Variants in DLGAP4 observed in about 807,000 individuals in gnomAD.
DLGAP4 encodes DLG associated protein 4, also known as disks large-associated protein 4.
A neutral mutation model predicts 86.9 loss-of-function variants in DLGAP4; 18 were observed. That is an observed-to-expected ratio of 0.21 (90% CI 0.14 to 0.31). The LOEUF (loss-of-function observed/expected upper bound fraction) is 0.31, where lower values mean the gene tolerates loss of function less well. DLGAP4 is among the 10% of genes least tolerant of loss of function. DLGAP4 has a pLI of 1.00. For synonymous variants in DLGAP4, 548 were observed against 574.3 expected (o/e 0.95, Z 0.65); for missense variants, 1,085 against 1,362.6 (o/e 0.80, Z 3.21).
rs535340847 is a variant in DLGAP4 at position 36,424,996 on chromosome 20, C to T, written c.-72-6650C>T. Among the ~76,000 whole-genome samples the T allele has an allele frequency of 3.2e-3, 492 of 152,164 alleles. 2 individuals carry two copies. The highest frequency in any genetic ancestry group is 8.1e-3 in the South Asian group (39 of 4,810). On this transcript the variant is annotated intron_variant, in intron 2 of 12. Transcript: ENST00000339266. Reference sequence around the variant, plus strand: ...AGTAATCCAGGCGTGAGCCACCATGCCCAGCCTTACACTCCTTTTCTTTAT... The same window carrying T: ...AGTAATCCAGGCGTGAGCCACCATGTCCAGCCTTACACTCCTTTTCTTTAT...
rs895342360 is a variant in DLGAP4, at chr20:36,461,375, G to T, written c.1648+14438G>T. ...GGCTGCGCGCGCCCCTGCCCGGCCC[G>T]GGAGTCCCTGACGACGCGCGCGCGG... On this transcript the variant is annotated intron_variant, in intron 7 of 12. Coordinates refer to ENST00000339266, the MANE Select transcript of DLGAP4 (RefSeq NM_001365621.2). 1.9e-4 allele frequency: 165 copies of T among 854,354 alleles called. 2 individuals carry two copies. The East Asian group carries it at 8.8e-3, about 46-fold the overall frequency. 52.9% of individuals were successfully genotyped at this position (854,354 alleles called of 1,614,324 possible). A position where few individuals can be genotyped will look rare whatever the true frequency, so the allele number is the denominator to read the frequency against.
intron 2 of DLGAP4, among the ~76,000 whole-genome samples, chr20:36,402,388 G>A (rs946434627): frequency 2.2e-4 from 33 of 152,192 alleles, no homozygotes; most frequent in African/African-American, 5.6e-4. Flanking sequence ...GGGCTAATGC[G>A]TGTCAAGTGT....
intron 1 of DLGAP4, among the ~76,000 whole-genome samples, chr20:36,320,709 C>G (rs1463851816): frequency 1.3e-5 from 2 of 152,150 alleles, no homozygotes; most frequent in African/African-American, 2.4e-5. Flanking sequence ...CCTTTGCCCA[C>G]CTGCCTGGGA....
At chr20:36,496,649 G>C in intron 7 of DLGAP4, 56 bp from the exon 8 acceptor site, 1 of 1,553,238 alleles carries the variant, frequency 6.4e-7, no homozygotes, top group Non-Finnish European at 8.7e-7. Context: ...GGGCTTGAGA[G>C]GGTTGGGGGC....
chr20:36,332,402 T>G (rs1224453235), intron 1 of DLGAP4, among the ~76,000 whole-genome samples: 16 of 152,146 alleles, frequency 1.1e-4, no homozygotes, highest in Non-Finnish European at 4.4e-5. Context: ...TTTTGTTTCT[T>G]TGTTTGAGAC....
At chr20:36,467,063 T>TCTCTCTCTCC (rs1569509700) in intron 7 of DLGAP4, among the ~76,000 whole-genome samples, 3 of 39,384 alleles carry the variant, frequency 7.6e-5, no homozygotes, top group African/African-American at 2.4e-4. Flanking sequence ...TCTCTCTCTC[T>TCTCTCTCTCC]CCCCCCCCCT....
chr20:36,330,558 AT>A (rs113329878), intron 1 of DLGAP4, among the ~76,000 whole-genome samples: 81,633 of 130,922 alleles, frequency 0.62, 26,602 homozygotes, highest in East Asian at 0.91. Context: ...GACTTTTGGG[AT>A]TTTTTTTTTT....
Position 36,393,672 on chromosome 20 carries a change from G to A in DLGAP4, c.-73+26397G>A, listed in dbSNP as rs865783244. On this transcript the variant is annotated intron_variant, in intron 2 of 12. Transcript: ENST00000339266. This position sits in a 1 kb window ranked among gnomAD's most constrained non-coding sequence, Gnocchi z 4.4. ...AGAACCAAAGTGAGAAACTGAGGCC[G>A]ACCCTGGCACTTAGGAGGGAAGGAA... Among the ~76,000 whole-genome samples the A allele has an allele frequency of 5.9e-5, 9 of 152,226 alleles. No homozygotes were observed. Among genetic ancestry groups the A allele is most frequent in the South Asian group, 4.2e-4 (2 of 4,810 alleles).
chr20:36,351,874 G>A (rs2030165570), intron 1 of DLGAP4, among the ~76,000 whole-genome samples: 1 of 152,178 alleles, frequency 6.6e-6, no homozygotes, highest in South Asian at 2.1e-4. Flanking sequence ...CCCACCTGGA[G>A]CTCGCTTTAG....
rs796432807 is a variant in DLGAP4 at position 36,520,734 on chromosome 20, CT to C, written c.2513-3505del. Reference sequence around the variant, plus strand: ...TGCTTTTTTTTCCCTTCTTTATCTGCTTTTTTTTTTTCCCCTTCTTTCATTG... The same window carrying C: ...TGCTTTTTTTTCCCTTCTTTATCTGCTTTTTTTTTTCCCCTTCTTTCATTG... On this transcript the variant is annotated intron_variant, in intron 10 of 12. Coordinates refer to ENST00000339266, the MANE Select transcript of DLGAP4 (RefSeq NM_001365621.2). 7.2e-3 allele frequency among the ~76,000 whole-genome samples: 1,048 copies of C among 146,528 alleles called. 9 individuals are homozygous for C. The highest frequency in any genetic ancestry group is 0.021 in the African/African-American group (827 of 40,228).
At chr20:36,497,139 G>A in intron 8 of DLGAP4, 73 bp downstream of exon 8, 1 of 1,519,268 alleles carries the variant, frequency 6.6e-7, no homozygotes, top group South Asian at 1.3e-5. Context: ...ACATCTGGTA[G>A]AGGCCCACTA....
intron 2 of DLGAP4, among the ~76,000 whole-genome samples, chr20:36,369,414 G>A (rs772526669): frequency 2.9e-4 from 44 of 152,320 alleles, no homozygotes; most frequent in Non-Finnish European, 3.4e-4. Flanking sequence ...CCAACATGGT[G>A]AAACCCTGTC....
At chr20:36,475,946 G>A (rs1195896748) in intron 7 of DLGAP4, among the ~76,000 whole-genome samples, 6 of 151,432 alleles carry the variant, frequency 4.0e-5, no homozygotes, top group East Asian at 2.0e-4. Flanking sequence ...TGCAACCTTC[G>A]CCTCCCGGGT....
intron 2 of DLGAP4, among the ~76,000 whole-genome samples, chr20:36,373,621 G>A (rs1227974761): frequency 6.6e-6 from 1 of 152,112 alleles, no homozygotes; most frequent in African/African-American, 2.4e-5. Flanking sequence ...GTAGATGTAG[G>A]CTATGACCTA....
chr20:36,351,521 C>T (rs1775118751), intron 1 of DLGAP4, among the ~76,000 whole-genome samples: 1 of 151,804 alleles, frequency 6.6e-6, no homozygotes, highest in African/African-American at 2.4e-5. Context: ...CATCTAGTTG[C>T]AGGAAAATAA....
chr20:36,366,610 G>A (rs2030696701), intron 1 of DLGAP4, among the ~76,000 whole-genome samples: 1 of 152,206 alleles, frequency 6.6e-6, no homozygotes, highest in Non-Finnish European at 1.5e-5. Context: ...CTGAGGCTCA[G>A]AAAGGGGAAG....
At chr20:36,340,141 A>G (rs1207754580) in intron 1 of DLGAP4, among the ~76,000 whole-genome samples, 2 of 151,988 alleles carry the variant, frequency 1.3e-5, no homozygotes, top group African/African-American at 4.8e-5. Flanking sequence ...AGTTCCCAAT[A>G]CCCTCACCTC....
chr20:36,418,381 G>A (rs2032726114), intron 2 of DLGAP4, among the ~76,000 whole-genome samples: 1 of 152,170 alleles, frequency 6.6e-6, no homozygotes, highest in African/African-American at 2.4e-5. Context: ...CCAAAGTGCT[G>A]GGATTACAGG....
At chr20:36,445,333 G>A (rs62210516) in intron 6 of DLGAP4, among the ~76,000 whole-genome samples, 13,346 of 151,904 alleles carry the variant, frequency 0.088, 638 homozygotes, top group South Asian at 0.13. Flanking sequence ...GTGAAACCCC[G>A]TCTCTACTAA....
Sources: allele counts gnomAD v4.1 joint callset (sites outside exome capture counted in the v4.1 genomes callset), GRCh38; gene constraint gnomAD v4.1.1; non-coding constraint Gnocchi (gnomAD v3.1); transcripts MANE v1.5; gene names NCBI Gene and HGNC (gene_info 2026-07-23, HGNC 2026-07-21).